LRP1B: variants seen among roughly 807,000 people sequenced by gnomAD.
LRP1B encodes low-density lipoprotein receptor-related protein 1B.
A neutral mutation model predicts 556.6 loss-of-function variants in LRP1B; 217 were observed. That is an observed-to-expected ratio of 0.39 (90% CI 0.35 to 0.44). The LOEUF (loss-of-function observed/expected upper bound fraction) is 0.44, where lower values mean the gene tolerates loss of function less well. Among genes scored for constraint, LRP1B ranks in the 20% least tolerant of loss-of-function variants. The probability of loss-of-function intolerance (pLI) is 1.00; values close to 1 mark genes in which losing one functional copy is unlikely to be tolerated. For synonymous variants in LRP1B, 2,047 were observed against 1,865.8 expected (o/e 1.10, Z -2.50); for missense variants, 5,053 against 5,620.8 (o/e 0.90, Z 3.23).
chr2:140,933,393 T>C (rs1429336), intron 20 of LRP1B, among the ~76,000 whole-genome samples: 12 of 152,242 alleles, frequency 7.9e-5, no homozygotes, highest in Admixed American at 5.2e-4. Context: ...TCATTATTTT[T>C]TAGGTTATTC....
intron 1 of LRP1B, among the ~76,000 whole-genome samples, chr2:142,028,547 A>AC (rs1170238209): frequency 6.6e-6 from 1 of 152,016 alleles, no homozygotes; most frequent in Non-Finnish European, 1.5e-5. Flanking sequence ...CTATGGATGT[A>AC]CCATAGTTCA....
At chr2:141,466,264 C>G (rs1242489712) in intron 3 of LRP1B, among the ~76,000 whole-genome samples, 1 of 152,122 alleles carries the variant, frequency 6.6e-6, no homozygotes, top group East Asian at 1.9e-4. Context: ...TACTGGTAAT[C>G]AAAGCCACAG....
chr2:141,210,702 T>C (rs1038538218), intron 6 of LRP1B, among the ~76,000 whole-genome samples: 1 of 152,090 alleles, frequency 6.6e-6, no homozygotes, highest in Non-Finnish European at 1.5e-5. Context: ...AGACAGAAAA[T>C]ACTAACTTTG....
At chr2:141,249,168 T>C (rs1264656076) in intron 4 of LRP1B, among the ~76,000 whole-genome samples, 1 of 152,112 alleles carries the variant, frequency 6.6e-6, no homozygotes, top group Admixed American at 6.5e-5. Flanking sequence ...TTCTAGAGTA[T>C]ATGGAAGTCA....
At chr2:142,109,884 C>T (rs1368658923) in intron 1 of LRP1B, among the ~76,000 whole-genome samples, 3 of 152,064 alleles carry the variant, frequency 2.0e-5, no homozygotes, top group East Asian at 1.9e-4. Context: ...TTAAGCATTC[C>T]TCACAGGCCC....
At chr2:140,267,798 A>G (rs895707545) in intron 86 of LRP1B, among the ~76,000 whole-genome samples, 4 of 152,014 alleles carry the variant, frequency 2.6e-5, no homozygotes, top group African/African-American at 9.7e-5. Context: ...ACAAACAGAG[A>G]TAGAGACATA....
intron 3 of LRP1B, among the ~76,000 whole-genome samples, chr2:141,474,050 T>TCCA (rs1298718612): frequency 1.4e-5 from 1 of 69,180 alleles, no homozygotes; most frequent in African/African-American, 4.5e-5. Flanking sequence ...CTTCCTTTCC[T>TCCA]TCCTTCCTCC....
chr2:140,899,814 G>A lies in LRP1B; in HGVS notation c.3766+3106C>T, dbSNP rs150593243. Among the ~76,000 whole-genome samples, 616 of 152,168 alleles carry A rather than the reference G, an allele frequency of 4.0e-3. 3 individuals carry two copies. The highest frequency in any genetic ancestry group is 0.014 in the African/African-American group (563 of 41,530). ...GAGGGCTCTGAAGAGCTAAAACTGTGTATGCAACACTTATAAGATAAAAGT... is the reference window on the plus strand; with the variant it reads ...GAGGGCTCTGAAGAGCTAAAACTGTATATGCAACACTTATAAGATAAAAGT... On this transcript the variant is annotated intron_variant, in intron 23 of 90. Transcript: ENST00000389484.
intron 2 of LRP1B, among the ~76,000 whole-genome samples, chr2:141,632,517 G>A (rs1688950431): frequency 6.6e-6 from 1 of 152,180 alleles, no homozygotes; most frequent in African/African-American, 2.4e-5. Context: ...AGAAAAGTCA[G>A]TGCTATACTA....
intron 3 of LRP1B, among the ~76,000 whole-genome samples, chr2:141,313,519 T>C (rs1265968489): frequency 1.3e-5 from 2 of 152,222 alleles, no homozygotes; most frequent in Non-Finnish European, 2.9e-5. Context: ...CTTACTTGTC[T>C]GAGGGAATTT....
chr2:140,878,246 T>A (rs1229330031), intron 25 of LRP1B, among the ~76,000 whole-genome samples: 2 of 152,068 alleles, frequency 1.3e-5, no homozygotes, highest in Admixed American at 6.6e-5. Flanking sequence ...CTCAAATAAA[T>A]AGGTACAAAT....
At chr2:141,428,595 A>G (rs1191256318) in intron 3 of LRP1B, among the ~76,000 whole-genome samples, 2 of 152,056 alleles carry the variant, frequency 1.3e-5, no homozygotes, top group Admixed American at 1.3e-4. Flanking sequence ...CAATTGTCTA[A>G]TATGTTTTCT....
intron 20 of LRP1B, among the ~76,000 whole-genome samples, chr2:140,924,478 T>G (rs1475647620): frequency 6.6e-6 from 1 of 152,058 alleles, no homozygotes; most frequent in Non-Finnish European, 1.5e-5. Flanking sequence ...TATAAAGATG[T>G]TCAAGATGGA....
intron 11 of LRP1B, among the ~76,000 whole-genome samples, chr2:141,040,170 A>G (rs887181098): frequency 6.6e-6 from 1 of 152,110 alleles, no homozygotes. Flanking sequence ...CAGAGTATAT[A>G]TCTTAGAGTC....
chr2:140,430,730 T>TGTAGGTTAC (rs1226426407), intron 66 of LRP1B, among the ~76,000 whole-genome samples: 3 of 152,196 alleles, frequency 2.0e-5, no homozygotes, highest in Non-Finnish European at 4.4e-5. Context: ...ACCTCTTCCA[T>TGTAGGTTAC]GTAGGTTACA....
intron 3 of LRP1B, among the ~76,000 whole-genome samples, chr2:141,406,646 G>A (rs62167975): frequency 0.6 from 90,160 of 151,094 alleles, 27,930 homozygotes; most frequent in Non-Finnish European, 0.68. Context: ...AATTATAATC[G>A]TTTCCAAAGT....
At chr2:140,301,806 TAAAGTACAGAAAAAATC>T (rs1359960027) in intron 83 of LRP1B, among the ~76,000 whole-genome samples, 2 of 151,670 alleles carry the variant, frequency 1.3e-5, no homozygotes, top group Non-Finnish European at 2.9e-5. Flanking sequence ...TTTACATATA[TAAAGTACAGAAAAAATC>T]AAAGTGCATT....
At chr2:141,865,113 A>G (rs1352867187) in intron 1 of LRP1B, among the ~76,000 whole-genome samples, 2 of 152,192 alleles carry the variant, frequency 1.3e-5, no homozygotes, top group African/African-American at 4.8e-5. Context: ...AAGAAACCCT[A>G]GCAAAAGAAG....
intron 7 of LRP1B, among the ~76,000 whole-genome samples, chr2:141,145,650 C>T (rs566430455): frequency 2.0e-5 from 3 of 151,464 alleles, no homozygotes; most frequent in Non-Finnish European, 2.9e-5. Context: ...TCTCCTGCCT[C>T]GGCTTCCCAA....
Sources: gnomAD v4.1 joint callset for allele counts (sites outside exome capture counted in the v4.1 genomes callset) on GRCh38, gnomAD v4.1.1 for gene constraint, MANE v1.5 for transcripts, NCBI Gene and HGNC (gene_info 2026-07-23, HGNC 2026-07-21) for gene names.